ADGRE3: variants seen among roughly 807,000 people sequenced by gnomAD.
ADGRE3 encodes the protein EGF-like module receptor 3.
ADGRE3 carries 88 observed loss-of-function variants against 80.1 expected under a neutral mutation model. The observed-to-expected ratio is 1.10, with a 90% confidence interval of 0.93 to 1.31. The LOEUF is 1.31. ADGRE3 is among the 40% of genes most tolerant of loss of function. The probability of loss-of-function intolerance (pLI) is 0.00; values close to 1 mark genes in which losing one functional copy is unlikely to be tolerated. For synonymous variants in ADGRE3, 281 were observed against 294.8 expected (o/e 0.95, Z 0.48); for missense variants, 715 against 776.5 (o/e 0.92, Z 0.94).
intron 7 of ADGRE3, among the ~76,000 whole-genome samples, chr19:14,647,712 C>G (rs551418322): frequency 6.6e-6 from 1 of 151,570 alleles, no homozygotes; most frequent in Middle Eastern, 3.2e-3. Flanking sequence ...GCCACCATGC[C>G]CGGTCTGCCG....
rs78375168 is a variant in ADGRE3, at chr19:14,671,483, C to T, written c.26-2631G>A. ...GGACCTTTGTGATTATTATATTAGGCCCCCTGGAAAATTCAGGGTACTACC... is the reference window on the plus strand; with the variant it reads ...GGACCTTTGTGATTATTATATTAGGTCCCCTGGAAAATTCAGGGTACTACC... On this transcript the variant is annotated intron_variant, in intron 1 of 15. Transcript: ENST00000253673. Among the ~76,000 whole-genome samples, 431 of 152,172 alleles carry T rather than the reference C, an allele frequency of 2.8e-3. 9 individuals are homozygous for T. In the East Asian group the frequency reaches 0.064, roughly 23 times the overall value.
At chr19:14,619,764 G>A (rs1970482975) in intron 15 of ADGRE3, among the ~76,000 whole-genome samples, 3 of 152,132 alleles carry the variant, frequency 2.0e-5, no homozygotes, top group Admixed American at 2.0e-4. Flanking sequence ...TATGAAGAAA[G>A]GTTAGAGTCT....
chr19:14,662,108 T>C lies in ADGRE3; in HGVS notation c.210A>G (p.Glu70=), dbSNP rs573459665. The change falls in exon 4 of 16, where the codon GAA becomes GAG. Residue 70 remains glutamate, a synonymous_variant. Transcript: ENST00000253673. ...AATATACACTATAGGGTGGTGTACA[T>C]TCATTAATGTCTGGAACACAAAGAA... ...FPLETCNDIN[E]CTPPYSVYCG... is the part of the protein sequence containing the mutation. 6 of 1,613,932 alleles carry C rather than the reference T, an allele frequency of 3.7e-6. No individual in the cohort carries two copies. In the East Asian group the frequency reaches 1.1e-4, roughly 30 times the overall value.
intron 7 of ADGRE3, among the ~76,000 whole-genome samples, chr19:14,650,302 A>C (rs1272199427): frequency 9.4e-5 from 11 of 117,526 alleles, no homozygotes; most frequent in African/African-American, 1.7e-4. Flanking sequence ...CACTCTCCCC[A>C]TCTCTCTTTT....
chr19:14,639,507 C>G (rs572359446), intron 10 of ADGRE3, among the ~76,000 whole-genome samples: 14 of 152,074 alleles, frequency 9.2e-5, no homozygotes, highest in Non-Finnish European at 2.1e-4. Context: ...TGGGTTCAAG[C>G]AATCTTCCTG....
At chr19:14,603,421 CATG>C in the ADGRE3 span, among the ~76,000 whole-genome samples, 1 of 152,128 alleles carries the variant, frequency 6.6e-6, no homozygotes, top group African/African-American at 2.4e-5. Context: ...TTCAGTGAGT[CATG>C]ATAAGGATCC....
intron 1 of ADGRE3, among the ~76,000 whole-genome samples, chr19:14,672,861 G>A (rs575402733): frequency 2.0e-5 from 3 of 151,742 alleles, no homozygotes; most frequent in South Asian, 4.2e-4. Context: ...CAATCTTCCC[G>A]CCTTGCCTTC....
chr19:14,625,946 G>A (rs780712231), intron 14 of ADGRE3, among the ~76,000 whole-genome samples: 12 of 152,208 alleles, frequency 7.9e-5, no homozygotes, highest in Non-Finnish European at 1.2e-4. Context: ...GGAGAGTGGC[G>A]AGGTAGTGTT....
chr19:14,649,248 A>G (rs1264568994), intron 7 of ADGRE3, among the ~76,000 whole-genome samples: 1 of 103,032 alleles, frequency 9.7e-6, no homozygotes, highest in Non-Finnish European at 1.9e-5. Flanking sequence ...ATCTCTTTCC[A>G]TCTTTCTCTC....
At chr19:14,604,400 C>T in the ADGRE3 span, among the ~76,000 whole-genome samples, 1 of 152,058 alleles carries the variant, frequency 6.6e-6, no homozygotes, top group Non-Finnish European at 1.5e-5. Flanking sequence ...ATTTTATTAC[C>T]CACATTCTTT....
intron 14 of ADGRE3, among the ~76,000 whole-genome samples, chr19:14,628,157 A>G (rs1970782657): frequency 6.6e-6 from 1 of 151,870 alleles, no homozygotes; most frequent in South Asian, 2.1e-4. Context: ...AAAACAACAA[A>G]AAAACGAATA....
Position 14,633,030 on chromosome 19 carries a change from A to T in ADGRE3, c.1552-18T>A. On this transcript the variant is annotated intron_variant, in intron 12 of 15. Transcript: ENST00000253673. ...AAATTCGCCTGCAGGACCAACACAAACAAGGCAGAGTGCAAGTTAAAGTAA... is the reference window on the plus strand; with the variant it reads ...AAATTCGCCTGCAGGACCAACACAATCAAGGCAGAGTGCAAGTTAAAGTAA... 3 of 1,588,660 alleles carry T rather than the reference A, an allele frequency of 1.9e-6. No individual in the cohort carries two copies. Among genetic ancestry groups the T allele is most frequent in the Non-Finnish European group, 2.6e-6 (3 of 1,157,040 alleles).
intron 4 of ADGRE3, among the ~76,000 whole-genome samples, chr19:14,660,708 C>T (rs1480055673): frequency 1.3e-5 from 2 of 151,904 alleles, no homozygotes; most frequent in African/African-American, 4.8e-5. Flanking sequence ...TCTCTTTTCT[C>T]ATATAGACTT....
At chr19:14,644,377 G>A (rs953348002) in intron 8 of ADGRE3, 102 bp from the exon 9 acceptor site, 17 of 839,964 alleles carry the variant, frequency 2.0e-5, no homozygotes, top group Admixed American at 3.2e-5. Context: ...CTGGAGTGCA[G>A]TGGCTCAATC....
At chr19:14,609,953 A>G in the ADGRE3 span, 4 of 764,622 alleles carry the variant, frequency 5.2e-6, no homozygotes, top group Admixed American at 4.5e-5. Context: ...ACGGCCTAAT[A>G]TGGGTTTTGC....
chr19:14,657,087 G>C (rs1971789346), intron 5 of ADGRE3, among the ~76,000 whole-genome samples: 1 of 151,970 alleles, frequency 6.6e-6, no homozygotes, highest in Admixed American at 6.6e-5. Flanking sequence ...GTAGACATGG[G>C]GGTTTCATCA....
chr19:14,663,474 C>T lies in ADGRE3; in HGVS notation c.143G>A (p.Gly48Glu). 1.2e-6 allele frequency: 2 copies of T among 1,613,362 alleles called. No individual in the cohort carries two copies. The highest frequency in any genetic ancestry group is 1.1e-5 in the South Asian group (1 of 91,066). The change falls in exon 3 of 16, where the codon GGA becomes GAA. Residue 48 changes from glycine to glutamate, a missense_variant. By Grantham distance (98) the Gly-to-Glu change is moderately conservative. Coordinates refer to ENST00000253673, the MANE Select transcript of ADGRE3 (RefSeq NM_032571.5). ...TTTCTGCCCAGATCCAGAAGTATAT[C>T]CATGGTTGCAGGTGCAGTGAGTGTT... is the stretch of plus-strand genomic sequence containing the variant. The part of the protein sequence containing the change: ...VNNTHCTCNH[G>E]YTSGSGQKLF...
chr19:14,603,391 G>C, the ADGRE3 span, among the ~76,000 whole-genome samples: 3 of 152,090 alleles, frequency 2.0e-5, no homozygotes, highest in African/African-American at 4.8e-5. Flanking sequence ...CTACAAAATG[G>C]GCATAATGAT....
intron 11 of ADGRE3, among the ~76,000 whole-genome samples, chr19:14,633,618 T>C (rs540811402): frequency 2.9e-4 from 44 of 151,360 alleles, no homozygotes; most frequent in East Asian, 2.4e-3. Flanking sequence ...GGCAGGAGAA[T>C]GGCGTGAACT....
Sources: allele counts gnomAD v4.1 joint callset (sites outside exome capture counted in the v4.1 genomes callset), GRCh38; gene constraint gnomAD v4.1.1; transcripts MANE v1.5; gene names NCBI Gene and HGNC (gene_info 2026-07-23, HGNC 2026-07-21).